The following PITPNC1 variants were observed in gnomAD, a reference collection of about 807,000 sequenced individuals.
PITPNC1 encodes phosphatidylinositol transfer protein cytoplasmic 1.
In PITPNC1, 18 loss-of-function variants were observed where a neutral mutation model predicts 44.7. The observed-to-expected ratio is 0.40, with a 90% CI of 0.28 to 0.60. The LOEUF is 0.60. Ranked by LOEUF, PITPNC1 falls within the 20% of genes least tolerant of loss-of-function variation. The pLI, the probability that PITPNC1 is intolerant of heterozygous loss-of-function variation, is 0.39. For synonymous variants in PITPNC1, 141 were observed against 149.6 expected (o/e 0.94, Z 0.42); for missense variants, 290 against 418.4 (o/e 0.69, Z 2.68).
At chr17:67,415,880 A>C (rs927514581) in intron 1 of PITPNC1, among the ~76,000 whole-genome samples, 7 of 150,620 alleles carry the variant, frequency 4.6e-5, no homozygotes, top group African/African-American at 1.7e-4. Flanking sequence ...ATATGAATGA[A>C]AACAGTGACT....
intron 8 of PITPNC1, among the ~76,000 whole-genome samples, chr17:67,688,494 A>C (rs915702415): frequency 6.6e-6 from 1 of 151,984 alleles, no homozygotes; most frequent in Non-Finnish European, 1.5e-5. Flanking sequence ...TGCAAGTCTC[A>C]TGTGCTGCAA....
intron 8 of PITPNC1, among the ~76,000 whole-genome samples, chr17:67,682,512 G>C (rs1442565739): frequency 6.6e-6 from 1 of 152,096 alleles, no homozygotes; most frequent in African/African-American, 2.4e-5. Context: ...ACCTGAAGGA[G>C]AGCAAGAAAG....
At chr17:67,467,216 T>G (rs545871813) in intron 1 of PITPNC1, among the ~76,000 whole-genome samples, 35 of 151,912 alleles carry the variant, frequency 2.3e-4, no homozygotes, top group African/African-American at 3.1e-4. Flanking sequence ...TGGCTATTTT[T>G]TGTGTGTGTG....
At chr17:67,398,569 T>A (rs935816512) in intron 1 of PITPNC1, among the ~76,000 whole-genome samples, 3 of 152,064 alleles carry the variant, frequency 2.0e-5, no homozygotes, top group Non-Finnish European at 4.4e-5. Flanking sequence ...GGAGTTGCAG[T>A]TTTTGGTGCA....
chr17:67,393,134 A>C (rs887683369), intron 1 of PITPNC1, among the ~76,000 whole-genome samples: 4 of 152,150 alleles, frequency 2.6e-5, no homozygotes, highest in African/African-American at 9.6e-5. Context: ...CACCTCAAAA[A>C]AAAAAAAAAA....
intron 1 of PITPNC1, among the ~76,000 whole-genome samples, chr17:67,425,467 T>TCCCCTCCCTC (rs940738489): frequency 6.7e-6 from 1 of 149,428 alleles, no homozygotes; most frequent in African/African-American, 2.5e-5. Context: ...TTCTCTCCCT[T>TCCCCTCCCTC]CCCCTCCCTC....
intron 1 of PITPNC1, among the ~76,000 whole-genome samples, chr17:67,447,318 A>T (rs1327091906): frequency 1.3e-5 from 2 of 151,742 alleles, no homozygotes; most frequent in Non-Finnish European, 2.9e-5. Context: ...GTGCTAAGTG[A>T]AAAACACAAT....
chr17:67,685,444 G>A (rs2042795917), intron 8 of PITPNC1, among the ~76,000 whole-genome samples: 1 of 152,196 alleles, frequency 6.6e-6, no homozygotes, highest in African/African-American at 2.4e-5. Context: ...TGGCAAATCT[G>A]CCCTTTGGAA....
At chr17:67,669,813 T>G (rs932732502) in intron 7 of PITPNC1, 150 bp downstream of exon 7, 2 of 593,600 alleles carry the variant, frequency 3.4e-6, no homozygotes, top group Non-Finnish European at 5.9e-6. Context: ...GGCCAACACC[T>G]GTAATCCTAG....
chr17:67,398,996 T>A (rs923238133), intron 1 of PITPNC1, among the ~76,000 whole-genome samples: 1 of 147,874 alleles, frequency 6.8e-6, no homozygotes, highest in Non-Finnish European at 1.5e-5. Context: ...CGTGTAGTTG[T>A]AAGAGGATCA....
intron 2 of PITPNC1, among the ~76,000 whole-genome samples, chr17:67,546,728 G>A (rs1340930476): frequency 6.6e-6 from 1 of 152,154 alleles, no homozygotes; most frequent in Non-Finnish European, 1.5e-5. Flanking sequence ...TCGGGGGTGG[G>A]GCCCGTGAGT....
chr17:67,434,504 C>T (rs771361238), intron 1 of PITPNC1, among the ~76,000 whole-genome samples: 8 of 152,172 alleles, frequency 5.3e-5, no homozygotes, highest in Admixed American at 2.0e-4. Context: ...GAGGGGCAGG[C>T]TGTGCTTTAG....
intron 1 of PITPNC1, among the ~76,000 whole-genome samples, chr17:67,418,733 G>A (rs1391423403): frequency 2.0e-5 from 3 of 151,892 alleles, no homozygotes; most frequent in Admixed American, 6.6e-5. Flanking sequence ...GCTAATTTTT[G>A]TATTTTTAGT....
At chr17:67,625,065 G>T (rs1249573114) in intron 5 of PITPNC1, among the ~76,000 whole-genome samples, 2 of 152,168 alleles carry the variant, frequency 1.3e-5, no homozygotes, top group African/African-American at 4.8e-5. Flanking sequence ...ACTCTCTAGT[G>T]TGTGTATGGC....
At chr17:67,499,564 C>T (rs1194796238) in intron 1 of PITPNC1, among the ~76,000 whole-genome samples, 1 of 152,234 alleles carries the variant, frequency 6.6e-6, no homozygotes, top group Non-Finnish European at 1.5e-5. Flanking sequence ...GCCTGAATAG[C>T]TGGTCTGCTA....
chr17:67,384,580 T>G (rs1460881018), intron 1 of PITPNC1, among the ~76,000 whole-genome samples: 3 of 152,204 alleles, frequency 2.0e-5, no homozygotes, highest in Non-Finnish European at 4.4e-5. Flanking sequence ...CGCCCGCCAC[T>G]GCGCCCAGCT....
At chr17:67,494,540 T>C (rs1263554451) in intron 1 of PITPNC1, among the ~76,000 whole-genome samples, 3 of 152,104 alleles carry the variant, frequency 2.0e-5, no homozygotes, top group Non-Finnish European at 4.4e-5. Context: ...GATATAACTT[T>C]TATAGATTTA....
chr17:67,559,030 A>G (rs1167276798), intron 4 of PITPNC1, among the ~76,000 whole-genome samples: 2 of 152,142 alleles, frequency 1.3e-5, no homozygotes, highest in Non-Finnish European at 2.9e-5. Context: ...GAAAGCCACT[A>G]AACTATCTGG....
chr17:67,462,282 A>T (rs1166353470), intron 1 of PITPNC1, among the ~76,000 whole-genome samples: 2 of 117,172 alleles, frequency 1.7e-5, no homozygotes, highest in Non-Finnish European at 3.2e-5. Context: ...TCCAGGCTGG[A>T]GTGCGGTGGT....
Sources: gnomAD v4.1 joint callset for allele counts (sites outside exome capture counted in the v4.1 genomes callset) on GRCh38, gnomAD v4.1.1 for gene constraint, MANE v1.5 for transcripts, NCBI Gene and HGNC (gene_info 2026-07-23, HGNC 2026-07-21) for gene names.